The following OTOGL variants were observed in gnomAD, a reference collection of about 807,000 sequenced individuals.
The protein encoded by OTOGL is otogelin-like protein.
In OTOGL, 285 loss-of-function variants were observed where a neutral mutation model predicts 318.5. That is an observed-to-expected ratio of 0.89 (90% CI 0.81 to 0.99). The LOEUF is 0.99. OTOGL is among the 50% of genes least tolerant of loss of function. The pLI is 0.00. For synonymous variants in OTOGL, 987 were observed against 936.5 expected (o/e 1.05, Z -0.99); for missense variants, 2,899 against 2,845.6 (o/e 1.02, Z -0.43).
intron 1 of OTOGL, among the ~76,000 whole-genome samples, chr12:80,148,209 A>G (rs1311957106): frequency 6.6e-6 from 1 of 151,040 alleles, no homozygotes; most frequent in East Asian, 2.0e-4. Flanking sequence ...TCCTGTCCAC[A>G]TTTAGTGCTT....
chr12:80,331,995 T>G (rs1416414507), intron 37 of OTOGL, among the ~76,000 whole-genome samples: 1 of 152,018 alleles, frequency 6.6e-6, no homozygotes, highest in African/African-American at 2.4e-5. Flanking sequence ...GTTCCGAAGT[T>G]AAAGGAAGGG....
chr12:80,345,410 T>C (rs1157802506), intron 44 of OTOGL, among the ~76,000 whole-genome samples: 1 of 151,276 alleles, frequency 6.6e-6, no homozygotes, highest in Non-Finnish European at 1.5e-5. Flanking sequence ...TAATTTTTTG[T>C]ATTTTTAATA....
chr12:80,315,497 G>T (rs752531514), intron 32 of OTOGL, among the ~76,000 whole-genome samples: 2 of 152,124 alleles, frequency 1.3e-5, no homozygotes, highest in Non-Finnish European at 2.9e-5. Context: ...ATTTAATGAG[G>T]AAGGCGCAGG....
chr12:80,266,375 A>G (rs1439313472), intron 20 of OTOGL, 76 bp from the exon 21 acceptor site: 9 of 1,460,098 alleles, frequency 6.2e-6, no homozygotes, highest in Non-Finnish European at 8.4e-6. Context: ...ATTTTCTATC[A>G]TAGACCTCTA....
At chr12:80,294,354 A>T (rs530666053) in intron 26 of OTOGL, among the ~76,000 whole-genome samples, 3 of 152,144 alleles carry the variant, frequency 2.0e-5, no homozygotes, top group Admixed American at 1.3e-4. Flanking sequence ...TTTAATTAAT[A>T]GCAATAAAAT....
chr12:80,113,171 A>G (rs544970662), intron 1 of OTOGL, among the ~76,000 whole-genome samples: 24 of 152,040 alleles, frequency 1.6e-4, no homozygotes, highest in Non-Finnish European at 2.6e-4. Context: ...CTAGTGGTCT[A>G]TGTATTTTGT....
intron 34 of OTOGL, among the ~76,000 whole-genome samples, chr12:80,321,713 C>T (rs1003897758): frequency 9.9e-5 from 15 of 152,106 alleles, no homozygotes; most frequent in East Asian, 1.9e-4. Context: ...ACTCTGGCAA[C>T]GAGCTCAGAA....
intron 23 of OTOGL, among the ~76,000 whole-genome samples, 161 bp downstream of exon 23, chr12:80,270,315 A>G (rs1291690926): frequency 6.6e-6 from 1 of 152,088 alleles, no homozygotes; most frequent in African/African-American, 2.4e-5. Flanking sequence ...CTTTTTCCAC[A>G]TTGAAAATTA....
At chr12:80,111,576 G>T (rs1429681290) in intron 1 of OTOGL, among the ~76,000 whole-genome samples, 6 of 152,148 alleles carry the variant, frequency 3.9e-5, no homozygotes, top group Admixed American at 3.3e-4. Flanking sequence ...GGTGTTATTT[G>T]TGAGGCCTCT....
chr12:80,260,001 T>A (rs1882396405), intron 18 of OTOGL, among the ~76,000 whole-genome samples: 1 of 152,066 alleles, frequency 6.6e-6, no homozygotes, highest in Non-Finnish European at 1.5e-5. Context: ...TGAAAATTTA[T>A]TGTTTATCTG....
intron 1 of OTOGL, chr12:80,132,421 C>A (rs1388561423): frequency 6.6e-6 from 1 of 152,034 alleles, no homozygotes; most frequent in African/African-American, 2.4e-5. Context: ...GCCTAGTGTA[C>A]TGAACTATTT....
chr12:80,243,700 G>C (rs1880581412), intron 11 of OTOGL, among the ~76,000 whole-genome samples: 1 of 150,766 alleles, frequency 6.6e-6, no homozygotes, highest in Non-Finnish European at 1.5e-5. Context: ...CTAAATAAAG[G>C]AAAGTTTCTA....
Position 80,209,392 on chromosome 12 carries a change from A to T in OTOGL, c.-19-21A>T. 5 of 1,338,770 alleles carry T rather than the reference A, an allele frequency of 3.7e-6. No homozygotes were observed. In the South Asian group the frequency reaches 7.6e-5, roughly 20 times the overall value. The allele number at this position is 1,338,770 out of a possible 1,614,324, so 82.9% of individuals were successfully genotyped here. A position where few individuals can be genotyped will look rare whatever the true frequency, so the allele number is the denominator to read the frequency against. On this transcript the variant is annotated intron_variant, in intron 1 of 58. Coordinates refer to ENST00000547103, the MANE Select transcript of OTOGL (RefSeq NM_001378609.3). The stretch of plus-strand genomic sequence containing the variant: ...CTAAGATGCCATCATAATAAAGACC[A>T]TCAATTTGGTTACATTTCAGGGGGA...
At chr12:80,137,806 G>T (rs1871670873) in intron 1 of OTOGL, among the ~76,000 whole-genome samples, 1 of 152,108 alleles carries the variant, frequency 6.6e-6, no homozygotes, top group Non-Finnish European at 1.5e-5. Context: ...CTTTTAGGAT[G>T]CAGCTGTGAT....
At chr12:80,118,391 T>A (rs372560605) in intron 1 of OTOGL, among the ~76,000 whole-genome samples, 2 of 152,170 alleles carry the variant, frequency 1.3e-5, no homozygotes, top group East Asian at 1.9e-4. Flanking sequence ...CTGATTTGGA[T>A]GATCTCACAG....
chr12:80,322,532 C>A (rs1183459922), intron 34 of OTOGL, among the ~76,000 whole-genome samples: 2 of 152,154 alleles, frequency 1.3e-5, no homozygotes, highest in Non-Finnish European at 2.9e-5. Flanking sequence ...TGTATAGATG[C>A]TTTCCAAAAA....
chr12:80,328,590 A>G (rs1887852905), intron 35 of OTOGL, 75 bp from the exon 36 acceptor site: 1 of 1,092,686 alleles, frequency 9.2e-7, no homozygotes, highest in Non-Finnish European at 1.3e-6. Context: ...TTAGTCGCAT[A>G]TGTTAAATGT....
intron 1 of OTOGL, among the ~76,000 whole-genome samples, chr12:80,179,671 G>A (rs962614628): frequency 6.6e-6 from 1 of 152,154 alleles, no homozygotes; most frequent in Non-Finnish European, 1.5e-5. Context: ...ATTGGTGTTG[G>A]CTTGAGAGCC....
intron 1 of OTOGL, among the ~76,000 whole-genome samples, chr12:80,182,361 T>C (rs1330519757): frequency 1.3e-5 from 2 of 152,154 alleles, no homozygotes; most frequent in Non-Finnish European, 2.9e-5. Context: ...CAGCAGGCAA[T>C]AGAGCCAGTT....
Sources: gnomAD v4.1 joint callset for allele counts (sites outside exome capture counted in the v4.1 genomes callset) on GRCh38, gnomAD v4.1.1 for gene constraint, MANE v1.5 for transcripts, NCBI Gene and HGNC (gene_info 2026-07-23, HGNC 2026-07-21) for gene names.